KLRD1: variants seen among roughly 807,000 people sequenced by gnomAD.
KLRD1 encodes the protein killer cell lectin like receptor D1.
Under a neutral mutation model 22.6 loss-of-function variants are expected in KLRD1, and 21 were observed. The ratio of observed to expected loss-of-function variants is 0.93; its 90% confidence interval spans 0.66 to 1.34. The LOEUF is 1.34. KLRD1 is among the 40% of genes most tolerant of loss of function. The pLI is 0.00. For synonymous variants in KLRD1, 59 were observed against 71.1 expected (o/e 0.83, Z 0.85); for missense variants, 183 against 208.6 (o/e 0.88, Z 0.76).
chr12:10,294,732 T>A (rs1949807433), intron 1 of KLRD1, among the ~76,000 whole-genome samples: 1 of 152,142 alleles, frequency 6.6e-6, no homozygotes, highest in South Asian at 2.1e-4. Context: ...TTGGACCCAC[T>A]CTGATATCCA....
chr12:10,245,762 T>A (rs546447860), intron 1 of KLRD1, among the ~76,000 whole-genome samples: 1 of 152,336 alleles, frequency 6.6e-6, no homozygotes, highest in Admixed American at 6.5e-5. Flanking sequence ...TTTCAATGTG[T>A]ACTTTATTTC....
rs1592044270 is a variant in KLRD1 at position 10,270,393 on chromosome 12, C to T, written c.-100-37585C>T. Among the ~76,000 whole-genome samples the T allele has an allele frequency of 3.9e-5, 6 of 152,068 alleles. 1 individual carries two copies. In the South Asian group the frequency reaches 6.2e-4, roughly 16 times the overall value. On this transcript the variant is annotated intron_variant, in intron 1 of 5. Coordinates refer to the KLRD1 transcript ENST00000544747. The stretch of plus-strand genomic sequence containing the variant: ...ACCATAGCTGCAACTATTACCAGAG[C>T]GATTAAATAAAGGAAGGCAAATATC...
upstream of KLRD1, among the ~76,000 whole-genome samples, chr12:10,304,259 G>A (rs969707659): frequency 6.6e-6 from 1 of 152,132 alleles, no homozygotes; most frequent in African/African-American, 2.4e-5. Flanking sequence ...AACATATGAG[G>A]TCTCTTAATG....
chr12:10,256,627 A>G (rs539139851), intron 1 of KLRD1, among the ~76,000 whole-genome samples: 3 of 151,966 alleles, frequency 2.0e-5, no homozygotes, highest in South Asian at 2.1e-4. Context: ...TATGATATCA[A>G]TATCATAAAT....
rs2137748471 is a variant in KLRD1, at chr12:10,321,851, CA to C, written c.*7060del. 1 of 152,330 alleles carries C rather than the reference CA, an allele frequency of 6.6e-6. No homozygotes were observed. The highest frequency in any genetic ancestry group is 2.1e-4 in the South Asian group (1 of 4,828). 9.4% of individuals were successfully genotyped at this position (152,330 alleles called of 1,614,324 possible). A position where few individuals can be genotyped will look rare whatever the true frequency, so the allele number is the denominator to read the frequency against. On this transcript the variant is annotated 3_prime_UTR_variant, in exon 6 of 6. Transcript: ENST00000336164. ...GTGTCAAGCCTTAGAAAATACAACC[CA>C]ACCTACATTTTTACTGCAACCTCAT... is the stretch of plus-strand genomic sequence containing the variant.
At chr12:10,249,339 T>C (rs3898120) in intron 1 of KLRD1, among the ~76,000 whole-genome samples, 114,388 of 152,098 alleles carry the variant, frequency 0.75, 43,590 homozygotes, top group East Asian at 1. Flanking sequence ...GAAACAGTAT[T>C]GAATTGCAAA....
intron 1 of KLRD1, among the ~76,000 whole-genome samples, chr12:10,245,614 A>T (rs1430221532): frequency 6.6e-6 from 1 of 152,152 alleles, no homozygotes; most frequent in African/African-American, 2.4e-5. Flanking sequence ...TTTAATCATT[A>T]ATTTCTGTAC....
chr12:10,243,731 C>T (rs563640899), intron 1 of KLRD1, among the ~76,000 whole-genome samples: 2 of 151,432 alleles, frequency 1.3e-5, no homozygotes, highest in Admixed American at 1.3e-4. Context: ...CAGAATGAGC[C>T]ATCGAACTAG....
chr12:10,243,933 T>C (rs1291578030), intron 1 of KLRD1, among the ~76,000 whole-genome samples: 1 of 152,170 alleles, frequency 6.6e-6, no homozygotes, highest in African/African-American at 2.4e-5. Flanking sequence ...GGGACTAAAA[T>C]AAGGTGTCAG....
At chr12:10,299,182 G>A (rs11837211) in intron 1 of KLRD1, among the ~76,000 whole-genome samples, 7,196 of 142,606 alleles carry the variant, frequency 0.05, 291 homozygotes, top group South Asian at 0.16. Flanking sequence ...TCCATTCTGC[G>A]TTTTTTTTTT....
rs1391494458 is a variant in KLRD1, at chr12:10,318,812, C to T, written c.*4019C>T. On this transcript the variant is annotated 3_prime_UTR_variant, in exon 6 of 6. Coordinates refer to ENST00000336164, the MANE Select transcript of KLRD1 (RefSeq NM_002262.5). The stretch of plus-strand genomic sequence containing the variant: ...AGTGAGCTGAGATCGCGCCACTGCA[C>T]TCCAGCCTGGGTGACAGAGGAGACT... The T allele has an allele frequency of 7.0e-6, 1 of 143,754 alleles. No homozygotes were observed. The highest frequency in any genetic ancestry group is 1.5e-5 in the Non-Finnish European group (1 of 67,216). 8.9% of individuals were successfully genotyped at this position (143,754 alleles called of 1,614,324 possible). A position where few individuals can be genotyped will look rare whatever the true frequency, so the allele number is the denominator to read the frequency against.
intron 1 of KLRD1, among the ~76,000 whole-genome samples, chr12:10,260,810 T>C (rs1350526919): frequency 3.3e-5 from 5 of 151,850 alleles, no homozygotes; most frequent in African/African-American, 4.8e-5. Context: ...GGTGTGGTGG[T>C]GGGCACCTGT....
chr12:10,247,179 C>T lies in KLRD1; in HGVS notation c.-101+20946C>T, dbSNP rs116289625. On this transcript the variant is annotated intron_variant, in intron 1 of 5. Transcript: ENST00000544747. ...AACTCCTGACCTCAGGGGGGAATTT[C>T]TATTTATATCAATAATATTTTCCAT... Among the ~76,000 whole-genome samples, 346 of 152,028 alleles carry T rather than the reference C, an allele frequency of 2.3e-3. 2 individuals are homozygous for T. Among genetic ancestry groups the T allele is most frequent in the African/African-American group, 8.0e-3 (333 of 41,488 alleles).
chr12:10,239,466 C>T (rs78515427), intron 1 of KLRD1, among the ~76,000 whole-genome samples: 243 of 22,366 alleles, frequency 0.011, 16 homozygotes, highest in East Asian at 0.1. Flanking sequence ...TCCTTCCTTC[C>T]TTCCTTCCTT....
At position 10,311,515 on chromosome 12, in the gene KLRD1, G is replaced by A. The variant is rs762281970; in HGVS notation, c.215G>A (p.Cys72Tyr). Reference protein sequence around the residue: ...QEKWVGYRCNCYFISSEQKTW... With the variant: ...QEKWVGYRCNYYFISSEQKTW... ...AAATGGGTTGGGTACCGGTGCAACT[G>A]TTACTTCATTTCCAGTGAACAGAAA... The change falls in exon 4 of 6, where the codon TGT becomes TAT. Residue 72 changes from cysteine to tyrosine, a missense_variant. Cys to Tyr is a radical substitution (Grantham distance 194, BLOSUM62 -2). Coordinates refer to ENST00000336164, the MANE Select transcript of KLRD1 (RefSeq NM_002262.5). 6.2e-6 allele frequency: 10 copies of A among 1,613,860 alleles called. No individual in the cohort carries two copies. In the Admixed American group the frequency reaches 1.0e-4, roughly 16 times the overall value.
At chr12:10,278,274 C>T (rs1555104853) in intron 1 of KLRD1, among the ~76,000 whole-genome samples, 1 of 152,206 alleles carries the variant, frequency 6.6e-6, no homozygotes, top group Non-Finnish European at 1.5e-5. Flanking sequence ...TATCAGCCAA[C>T]TCAAGCCATT....
At chr12:10,303,015 T>G (rs1420055309), upstream of KLRD1, among the ~76,000 whole-genome samples, 6 of 152,208 alleles carry the variant, frequency 3.9e-5, no homozygotes, top group South Asian at 2.1e-4. Flanking sequence ...GCCTTAAGGT[T>G]AAACTATAAA....
chr12:10,257,158 TA>T (rs1298323898), intron 1 of KLRD1, among the ~76,000 whole-genome samples: 2 of 144,652 alleles, frequency 1.4e-5, no homozygotes, highest in African/African-American at 5.2e-5. Flanking sequence ...TTTTTTTTTT[TA>T]AGATTTGCTG....
chr12:10,262,410 G>A (rs1949461814), intron 1 of KLRD1, among the ~76,000 whole-genome samples: 1 of 152,036 alleles, frequency 6.6e-6, no homozygotes, highest in African/African-American at 2.4e-5. Context: ...TATAATTTTT[G>A]CATTATTGTT....
Sources: gnomAD v4.1 joint callset for allele counts (sites outside exome capture counted in the v4.1 genomes callset) on GRCh38, gnomAD v4.1.1 for gene constraint, MANE v1.5 for transcripts, NCBI Gene and HGNC (gene_info 2026-07-23, HGNC 2026-07-21) for gene names.